MINDY2: variants seen among roughly 807,000 people sequenced by gnomAD.
MINDY2 encodes ubiquitin carboxyl-terminal hydrolase MINDY-2.
MINDY2 carries 52 observed loss-of-function variants against 68.2 expected under a neutral mutation model. That is an observed-to-expected ratio of 0.76 (90% CI 0.61 to 0.96). The LOEUF is 0.96. Ranked by LOEUF, MINDY2 falls within the 40% of genes least tolerant of loss-of-function variation. The probability of loss-of-function intolerance (pLI) is 0.00; values close to 1 mark genes in which losing one functional copy is unlikely to be tolerated. For missense variants in MINDY2, 881 were observed against 773.4 expected (o/e 1.14, Z -1.65); for synonymous variants, 372 against 303.0 (o/e 1.23, Z -2.36).
chr15:58,795,391 T>C (rs1392505364), intron 2 of MINDY2, among the ~76,000 whole-genome samples: 1 of 151,906 alleles, frequency 6.6e-6, no homozygotes. Flanking sequence ...TGTAGATATA[T>C]AGTATGTGTT....
chr15:58,854,935 T>TTA lies in MINDY2; in HGVS notation c.*329_*330dup, dbSNP rs1432147614. 1 of 175,282 alleles carries TTA rather than the reference T, an allele frequency of 5.7e-6. No homozygotes were observed. Among genetic ancestry groups the TTA allele is most frequent in the Admixed American group, 5.8e-5 (1 of 17,354 alleles). 10.9% of individuals were successfully genotyped at this position (175,282 alleles called of 1,614,324 possible). A position where few individuals can be genotyped will look rare whatever the true frequency, so the allele number is the denominator to read the frequency against. ...ATAACTCATATCAGTTAGTAAGCTA[T>TTA]TATATCTTCTGTTCTAACAATGAAT... On this transcript the variant is annotated 3_prime_UTR_variant, in exon 9 of 9. Coordinates refer to ENST00000559228, the MANE Select transcript of MINDY2 (RefSeq NM_001040450.3).
In MINDY2 at chr15:58,802,297, T is replaced by G. The variant is rs1206839040; in HGVS notation, c.899-16T>G. ...TTTTAAAAGGCAATTTTACAATTCT[T>G]TTTTTTTTTTTACAGGAGATTACAT... On this transcript the variant is annotated splice_polypyrimidine_tract_variant and intron_variant, in intron 2 of 8. Transcript: ENST00000559228. The G allele has an allele frequency of 9.4e-6, 11 of 1,174,460 alleles. No homozygotes were observed. Among genetic ancestry groups the G allele is most frequent in the South Asian group, 1.7e-5 (1 of 59,088 alleles). The allele number at this position is 1,174,460 out of a possible 1,614,324, so 72.8% of individuals were successfully genotyped here.
intron 4 of MINDY2, chr15:58,817,528 C>T (rs1195431072): frequency 3.3e-5 from 5 of 152,076 alleles, no homozygotes; most frequent in Admixed American, 6.6e-5. Context: ...GAGTTTGAGA[C>T]GCCTGGCCAA....
At chr15:58,790,585 TA>T (rs113082743) in intron 2 of MINDY2, among the ~76,000 whole-genome samples, 60,129 of 150,520 alleles carry the variant, frequency 0.4, 13,172 homozygotes, top group East Asian at 0.84. Flanking sequence ...CAATAGACCT[TA>T]GTGGGGGGTA....
At chr15:58,814,982 C>T (rs1176785095) in intron 4 of MINDY2, among the ~76,000 whole-genome samples, 1 of 151,804 alleles carries the variant, frequency 6.6e-6, no homozygotes, top group African/African-American at 2.4e-5. Flanking sequence ...TCTTTTGTCC[C>T]TTATGCTTTT....
At chr15:58,810,170 A>G (rs2030129770) in intron 3 of MINDY2, 60 bp from the exon 4 acceptor site, 2 of 1,415,258 alleles carry the variant, frequency 1.4e-6, no homozygotes, top group Middle Eastern at 1.9e-4. Flanking sequence ...GTACTTGAAT[A>G]TCTTTTTTGT....
chr15:58,842,290 C>T (rs2032322709), intron 6 of MINDY2, among the ~76,000 whole-genome samples: 1 of 152,014 alleles, frequency 6.6e-6, no homozygotes, highest in Admixed American at 6.6e-5. Context: ...TAAACTCAGT[C>T]AGATGGTATG....
intron 3 of MINDY2, among the ~76,000 whole-genome samples, chr15:58,809,885 T>G (rs2086876572): frequency 6.6e-6 from 1 of 152,200 alleles, no homozygotes; most frequent in Non-Finnish European, 1.5e-5. Flanking sequence ...GTTCAAGTGA[T>G]CCTCCCACCT....
chr15:58,777,347 G>A (rs931566218), intron 1 of MINDY2, among the ~76,000 whole-genome samples: 8 of 152,270 alleles, frequency 5.3e-5, no homozygotes, highest in East Asian at 1.9e-4. Flanking sequence ...TGAACAAACC[G>A]GGAGGATTTG....
chr15:58,816,193 A>G (rs1289391101), intron 4 of MINDY2, among the ~76,000 whole-genome samples: 1 of 152,098 alleles, frequency 6.6e-6, no homozygotes, highest in African/African-American at 2.4e-5. Flanking sequence ...ATCTCTGTCC[A>G]TTGGTAAAAG....
intron 2 of MINDY2, among the ~76,000 whole-genome samples, chr15:58,792,893 T>C (rs1347603879): frequency 6.6e-6 from 1 of 152,122 alleles, no homozygotes; most frequent in Non-Finnish European, 1.5e-5. Context: ...TCCCAGCTAC[T>C]TGGGAGGCTG....
At chr15:58,841,479 C>T (rs980436291) in intron 6 of MINDY2, among the ~76,000 whole-genome samples, 1 of 149,870 alleles carries the variant, frequency 6.7e-6, no homozygotes, top group Non-Finnish European at 1.5e-5. Context: ...GATCTTGGCT[C>T]ATTGCAACCT....
intron 3 of MINDY2, among the ~76,000 whole-genome samples, chr15:58,803,584 A>C (rs1344114906): frequency 6.6e-6 from 1 of 152,192 alleles, no homozygotes; most frequent in Non-Finnish European, 1.5e-5. Context: ...TGGGAGGCCA[A>C]GGTGGATGGG....
At chr15:58,825,645 C>CT (rs1429343570) in intron 5 of MINDY2, among the ~76,000 whole-genome samples, 3 of 152,162 alleles carry the variant, frequency 2.0e-5, no homozygotes, top group Non-Finnish European at 4.4e-5. Context: ...GCTGCCCAGG[C>CT]TGGAGGCTGG....
chr15:58,825,763 G>A lies in MINDY2; in HGVS notation c.1225+3944G>A, dbSNP rs1270281291. On this transcript the variant is annotated intron_variant, in intron 5 of 8. Transcript: ENST00000559228. Reference sequence around the variant, plus strand: ...TGGGACTACAGGCTCACGCCACCACGCTGGCTAATTTTTTGTATTTTTAGG... The same window carrying A: ...TGGGACTACAGGCTCACGCCACCACACTGGCTAATTTTTTGTATTTTTAGG... 3.9e-5 allele frequency among the ~76,000 whole-genome samples: 6 copies of A among 151,942 alleles called. 1 individual carries two copies. In the South Asian group the frequency reaches 8.3e-4, roughly 21 times the overall value.
Position 58,858,496 on chromosome 15 carries a change from A to G in MINDY2, c.*3886A>G, listed in dbSNP as rs1187747634. ...ACTAAGAGACAGATCATGAGAGGAA[A>G]GAGAACTAGAGGCCAATAAATAAAA... On this transcript the variant is annotated 3_prime_UTR_variant, in exon 9 of 9. Coordinates refer to ENST00000559228, the MANE Select transcript of MINDY2 (RefSeq NM_001040450.3). The G allele has an allele frequency of 1.3e-5, 2 of 152,194 alleles. No individual in the cohort carries two copies. Among genetic ancestry groups the G allele is most frequent in the Non-Finnish European group, 2.9e-5 (2 of 68,010 alleles). The allele number at this position is 152,194 out of a possible 1,614,324, so 9.4% of individuals were successfully genotyped here. A position where few individuals can be genotyped will look rare whatever the true frequency, so the allele number is the denominator to read the frequency against.
intron 5 of MINDY2, among the ~76,000 whole-genome samples, chr15:58,831,509 G>A (rs1446484074): frequency 6.6e-6 from 1 of 151,796 alleles, no homozygotes; most frequent in East Asian, 1.9e-4. Context: ...GAAATCCTTT[G>A]TAATAGTAGG....
chr15:58,775,367 G>A (rs1243619042), intron 1 of MINDY2, among the ~76,000 whole-genome samples: 1 of 152,108 alleles, frequency 6.6e-6, no homozygotes, highest in African/African-American at 2.4e-5. Context: ...CAGTAAATGG[G>A]GTGTGAAGGT....
chr15:58,787,985 T>C (rs780267433), intron 2 of MINDY2, 22 bp downstream of exon 2: 216 of 1,540,462 alleles, frequency 1.4e-4, no homozygotes, highest in Non-Finnish European at 1.9e-4. Flanking sequence ...AAAGTGGATT[T>C]TATATCTCTT....
Sources: gnomAD v4.1 joint callset for allele counts (sites outside exome capture counted in the v4.1 genomes callset) on GRCh38, gnomAD v4.1.1 for gene constraint, MANE v1.5 for transcripts, NCBI Gene and HGNC (gene_info 2026-07-23, HGNC 2026-07-21) for gene names.